PCLO: variants seen among roughly 807,000 people sequenced by gnomAD.
PCLO encodes piccolo presynaptic cytomatrix protein, also known as protein piccolo.
PCLO carries 82 observed loss-of-function variants against 427.5 expected under a neutral mutation model. The observed-to-expected ratio is 0.19, with a 90% CI of 0.16 to 0.23. PCLO has a LOEUF of 0.23. PCLO is among the 10% of genes least tolerant of loss of function. The pLI, the probability that PCLO is intolerant of heterozygous loss-of-function variation, is 1.00. For missense variants in PCLO, 6,239 were observed against 6,115.9 expected (o/e 1.02, Z -0.67); for synonymous variants, 2,357 against 2,155.4 (o/e 1.09, Z -2.59).
Position 82,845,490 on chromosome 7 carries a change from A to C in PCLO, c.13832-5T>G. 6.3e-7 allele frequency: 1 copy of C among 1,593,458 alleles called. No homozygotes were observed. Among genetic ancestry groups the C allele is most frequent in the Non-Finnish European group, 8.6e-7 (1 of 1,163,948 alleles). On this transcript the variant is annotated splice_region_variant and splice_polypyrimidine_tract_variant and intron_variant, in intron 12 of 24. Transcript: ENST00000333891. Reference sequence around the variant, plus strand: ...CTGGGGATTTCGCCTTATCCACTACAACAAAATGAAAGAGATTTACATACT... The same window carrying C: ...CTGGGGATTTCGCCTTATCCACTACCACAAAATGAAAGAGATTTACATACT...
intron 3 of PCLO, among the ~76,000 whole-genome samples, chr7:83,084,921 A>C (rs1790192811): frequency 6.6e-6 from 1 of 152,186 alleles, no homozygotes; most frequent in African/African-American, 2.4e-5. Context: ...AGCATACTAA[A>C]ATGGGATTTG....
chr7:82,881,067 T>G (rs1401114821), intron 9 of PCLO, among the ~76,000 whole-genome samples: 2 of 152,142 alleles, frequency 1.3e-5, no homozygotes, highest in African/African-American at 4.8e-5. Flanking sequence ...CTATAACTTA[T>G]AGAGGTATGG....
At chr7:82,907,263 T>TA (rs1297221561) in intron 8 of PCLO, among the ~76,000 whole-genome samples, 1 of 152,032 alleles carries the variant, frequency 6.6e-6, no homozygotes, top group Non-Finnish European at 1.5e-5. Flanking sequence ...CCCTGTTTAT[T>TA]ATATAGTTTA....
At chr7:82,843,176 G>C (rs1028046911) in intron 13 of PCLO, among the ~76,000 whole-genome samples, 1 of 152,090 alleles carries the variant, frequency 6.6e-6, no homozygotes, top group African/African-American at 2.4e-5. Context: ...TGATGATTAG[G>C]TAACGAAAAT....
chr7:82,979,634 C>T (rs537726168), intron 3 of PCLO, among the ~76,000 whole-genome samples: 2 of 152,276 alleles, frequency 1.3e-5, no homozygotes, highest in South Asian at 2.1e-4. Flanking sequence ...CAGGTAGATA[C>T]AGCCATATAA....
At position 82,883,221 on chromosome 7, in the gene PCLO, A is replaced by G. The variant is rs145111766; in HGVS notation, c.13529-3759T>C. On this transcript the variant is annotated intron_variant, in intron 9 of 24. Transcript: ENST00000333891. ...AAAGAAGAAAACAGATTATACAAAT[A>G]ATAATGCCTATAAAATACCAAGAAT... Among the ~76,000 whole-genome samples, 1,295 of 152,244 alleles carry G rather than the reference A, an allele frequency of 8.5e-3. 4 individuals carry two copies. The highest frequency in any genetic ancestry group is 0.014 in the Admixed American group (215 of 15,288).
intron 3 of PCLO, among the ~76,000 whole-genome samples, chr7:83,091,980 T>A (rs1460363731): frequency 6.6e-6 from 1 of 152,108 alleles, no homozygotes; most frequent in Admixed American, 6.6e-5. Flanking sequence ...ACTTCCAAAT[T>A]TTTTTTTCAC....
In PCLO at chr7:83,057,431, G is replaced by A. The variant is rs183569155; in HGVS notation, c.3300+76819C>T. Among the ~76,000 whole-genome samples, 248 of 128,102 alleles carry A rather than the reference G, an allele frequency of 1.9e-3. 1 individual carries two copies. The highest frequency in any genetic ancestry group is 7.2e-3 in the African/African-American group (236 of 32,870). The allele number at this position is 128,102 out of a possible 152,430, so 84.0% of individuals were successfully genotyped here. On this transcript the variant is annotated intron_variant, in intron 3 of 24. Transcript: ENST00000333891. ...GGCTGGAGTGCAGTGGCGCAATCTC[G>A]GCTCACTGAAAGCTCTGCCTCCTGG...
chr7:83,068,832 A>G (rs1194254367), intron 3 of PCLO, among the ~76,000 whole-genome samples: 1 of 152,200 alleles, frequency 6.6e-6, no homozygotes, highest in Non-Finnish European at 1.5e-5. Context: ...TCCCATGTTC[A>G]TTGCAGCATT....
chr7:82,918,610 C>T (rs549582728), intron 6 of PCLO, among the ~76,000 whole-genome samples: 1 of 152,130 alleles, frequency 6.6e-6, no homozygotes, highest in South Asian at 2.1e-4. Flanking sequence ...TCCACAAAAA[C>T]ATCTTCAGTC....
rs971794778 is a variant in PCLO at position 82,894,673 on chromosome 7, C to T, written c.13528+7978G>A. Reference sequence around the variant, plus strand: ...AACCATATCAAGTGGGAATCTTGGTCGTACTTGGCTTGGGCTGCTTCCATC... The same window carrying T: ...AACCATATCAAGTGGGAATCTTGGTTGTACTTGGCTTGGGCTGCTTCCATC... On this transcript the variant is annotated intron_variant, in intron 9 of 24. Transcript: ENST00000333891. Among the ~76,000 whole-genome samples, 43 of 151,970 alleles carry T rather than the reference C, an allele frequency of 2.8e-4. 1 individual carries two copies. The highest frequency in any genetic ancestry group is 2.1e-4 in the South Asian group (1 of 4,818).
chr7:82,906,797 T>A (rs2214718), intron 8 of PCLO, among the ~76,000 whole-genome samples: 46,628 of 151,654 alleles, frequency 0.31, 8,252 homozygotes, highest in East Asian at 0.6. Flanking sequence ...ATATAGTTTT[T>A]TTGTTTGTAT....
At position 83,113,243 on chromosome 7, in the gene PCLO, G is replaced by A. The variant is rs144531436; in HGVS notation, c.3300+21007C>T. Among the ~76,000 whole-genome samples the A allele has an allele frequency of 1.8e-4, 28 of 152,292 alleles. No homozygotes were observed. The East Asian group carries it at 4.6e-3, about 25-fold the overall frequency. ...TTTGTTCTAGCAAGATGGCTATGAA[G>A]CTATTGAATGATTTTGAAGCCCTAA... On this transcript the variant is annotated intron_variant, in intron 3 of 24. Transcript: ENST00000333891.
chr7:83,082,498 G>A (rs1790126821), intron 3 of PCLO, among the ~76,000 whole-genome samples: 1 of 151,750 alleles, frequency 6.6e-6, no homozygotes, highest in African/African-American at 2.4e-5. Context: ...AGGCTAGGAA[G>A]CACAGTGAGG....
chr7:82,989,872 C>G (rs1011561262), intron 3 of PCLO, among the ~76,000 whole-genome samples: 1 of 152,156 alleles, frequency 6.6e-6, no homozygotes, highest in Non-Finnish European at 1.5e-5. Context: ...TCAAATTCTT[C>G]TTTCCCCAAA....
At position 82,955,540 on chromosome 7, in the gene PCLO, T is replaced by C; in HGVS notation, c.5413A>G (p.Lys1805Glu). ...IEQQQRKSSS[K>E]KSKKDKDELR... ...TCATCTTTGTCTTTCTTTGATTTTT[T>C]ACTAGAACTCTTTCTTTGTTGCTGT... The change falls in exon 5 of 25, where the codon AAA (lysine) becomes GAA (glutamate). Residue 1805 changes from lysine (K) to glutamate (E), a missense_variant. Transcript: ENST00000333891. The C allele has an allele frequency of 6.2e-7, 1 of 1,613,974 alleles. No individual in the cohort carries two copies. Among genetic ancestry groups the C allele is most frequent in the South Asian group, 1.1e-5 (1 of 91,078 alleles).
In PCLO at chr7:82,902,714, G is replaced by A. The variant is rs1387537732; in HGVS notation, c.13465C>T (p.His4489Tyr). 5.6e-6 allele frequency: 9 copies of A among 1,598,382 alleles called. No homozygotes were observed. The highest frequency in any genetic ancestry group is 7.7e-6 in the Non-Finnish European group (9 of 1,166,954). The change falls in exon 9 of 25, where the codon CAC becomes TAC. Residue 4489 changes from histidine (H) to tyrosine (Y), a missense_variant. Physicochemically the swap from His to Tyr is moderately conservative, Grantham distance 83. Transcript: ENST00000333891. ...ATCCTTGCGTGAGGAAAGATGTAGTGCATAGTTTTCCCGTTCATCTGTATA... is the reference window on the plus strand; with the variant it reads ...ATCCTTGCGTGAGGAAAGATGTAGTACATAGTTTTCCCGTTCATCTGTATA... ...QIIQMNGKTM[H>Y]YIFPHARIKI...
intron 3 of PCLO, among the ~76,000 whole-genome samples, chr7:83,038,468 T>C (rs1468620152): frequency 6.6e-6 from 1 of 151,928 alleles, no homozygotes; most frequent in Non-Finnish European, 1.5e-5. Flanking sequence ...TTATATGAAT[T>C]GAATTATAAA....
chr7:82,759,380 G>A (rs976768780), intron 24 of PCLO, among the ~76,000 whole-genome samples: 13 of 151,658 alleles, frequency 8.6e-5, no homozygotes, highest in East Asian at 5.8e-4. Flanking sequence ...TATTCCTGGC[G>A]AAAACTTTTA....
Sources: allele counts gnomAD v4.1 joint callset (sites outside exome capture counted in the v4.1 genomes callset), GRCh38; gene constraint gnomAD v4.1.1; transcripts MANE v1.5; gene names NCBI Gene and HGNC (gene_info 2026-07-23, HGNC 2026-07-21).